Variants in SLC24A4 observed in about 807,000 individuals in gnomAD.
SLC24A4 encodes sodium/potassium/calcium exchanger 4.
In SLC24A4, 53 loss-of-function variants were observed where a neutral mutation model predicts 79.0. The observed-to-expected ratio is 0.67, with a 90% CI of 0.54 to 0.84. The LOEUF is 0.84. Among genes scored for constraint, SLC24A4 ranks in the 40% least tolerant of loss-of-function variants. The pLI is 0.00. For missense variants in SLC24A4, 731 were observed against 822.0 expected, an observed-to-expected ratio of 0.89 and a Z score of 1.35; for synonymous variants, 323 against 323.8, an observed-to-expected ratio of 1.00 and a Z score of 0.03.
At chr14:92,457,414 C>T (rs186051909) in intron 12 of SLC24A4, 103 of 152,880 alleles carry the variant, frequency 6.7e-4, no homozygotes, top group Non-Finnish European at 3.7e-4. Flanking sequence ...TTAAATGTCA[C>T]CTTTTCACTG....
At chr14:92,418,045 C>A (rs61977270) in intron 2 of SLC24A4, among the ~76,000 whole-genome samples, 1 of 152,214 alleles carries the variant, frequency 6.6e-6, no homozygotes, top group Non-Finnish European at 1.5e-5. Flanking sequence ...CTGTTCCTTC[C>A]TTTCCAGGGA....
At chr14:92,433,835 A>T in intron 2 of SLC24A4, 77 bp from the exon 3 acceptor site, 1 of 1,253,468 alleles carries the variant, frequency 8.0e-7, no homozygotes, top group Non-Finnish European at 1.2e-6. Flanking sequence ...TTCCTTAGTG[A>T]ACTCTCAGAA....
intron 1 of SLC24A4, among the ~76,000 whole-genome samples, chr14:92,325,178 C>G (rs888511305): frequency 6.6e-6 from 1 of 152,148 alleles, no homozygotes; most frequent in African/African-American, 2.4e-5. Flanking sequence ...TGAAGCAGTG[C>G]GCATCAGGAG....
chr14:92,443,873 G>A (rs1236662784), intron 7 of SLC24A4, among the ~76,000 whole-genome samples: 1 of 152,186 alleles, frequency 6.6e-6, no homozygotes, highest in Non-Finnish European at 1.5e-5. Flanking sequence ...GTGGCTGTGG[G>A]CAGGGCTTGG....
chr14:92,454,008 T>C lies in SLC24A4; in HGVS notation c.989T>C (p.Ile330Thr). 6.2e-7 allele frequency: 1 copy of C among 1,613,814 alleles called. No individual in the cohort carries two copies. The highest frequency in any genetic ancestry group is 8.5e-7 in the Non-Finnish European group (1 of 1,179,844). Residue 330 changes from isoleucine to threonine, a missense_variant, in exon 11 of 17, where the codon ATC becomes ACC. By Grantham distance (89) the Ile-to-Thr change is moderately conservative (BLOSUM62 -1). Coordinates refer to ENST00000532405, the MANE Select transcript of SLC24A4 (RefSeq NM_153646.4). ...TFPEAGLRIM[I>T]TNKFGPRTRL... The stretch of plus-strand genomic sequence containing the variant: ...CCTGAAGCAGGCTTACGAATCATGA[T>C]CACCAATAAGTTTGGACCCAGGACC...
At chr14:92,331,068 A>G (rs1399046618) in intron 2 of SLC24A4, among the ~76,000 whole-genome samples, 2 of 152,182 alleles carry the variant, frequency 1.3e-5, no homozygotes, top group Non-Finnish European at 2.9e-5. Flanking sequence ...CTGACCTGTG[A>G]AACCAGAAGC....
intron 11 of SLC24A4, 123 bp downstream of exon 11, chr14:92,454,192 C>A: frequency 9.8e-7 from 1 of 1,015,744 alleles, no homozygotes; most frequent in Non-Finnish European, 1.4e-6. Context: ...CCTGGGGCCT[C>A]CAGAAGCCTG....
At chr14:92,420,130 A>G (rs1891196529) in intron 2 of SLC24A4, among the ~76,000 whole-genome samples, 1 of 152,312 alleles carries the variant, frequency 6.6e-6, no homozygotes, top group East Asian at 1.9e-4. Flanking sequence ...AGTCTCCAGA[A>G]GGAACCAACC....
intron 2 of SLC24A4, among the ~76,000 whole-genome samples, chr14:92,389,594 G>A (rs1210833145): frequency 1.3e-5 from 2 of 152,122 alleles, no homozygotes; most frequent in Non-Finnish European, 2.9e-5. Flanking sequence ...CCCCCATGAA[G>A]TCCTGCCCGC....
At chr14:92,331,914 A>G (rs1015063901) in intron 2 of SLC24A4, among the ~76,000 whole-genome samples, 1 of 152,210 alleles carries the variant, frequency 6.6e-6, no homozygotes, top group East Asian at 1.9e-4. Context: ...TTTCTTAATA[A>G]AATTTTTCCT....
In SLC24A4 at chr14:92,396,970, T is replaced by C. The variant is rs145480843; in HGVS notation, c.242-36942T>C. ...ATTCTGATATGGACAACACTTTGGTTCCTGCCTTCAAAGCACTGACAGCAT... is the reference window on the plus strand; with the variant it reads ...ATTCTGATATGGACAACACTTTGGTCCCTGCCTTCAAAGCACTGACAGCAT... On this transcript the variant is annotated intron_variant, in intron 2 of 16. Transcript: ENST00000532405. Among the ~76,000 whole-genome samples the C allele has an allele frequency of 5.4e-3, 821 of 152,290 alleles. 10 individuals carry two copies. Among genetic ancestry groups the C allele is most frequent in the African/African-American group, 0.019 (770 of 41,550 alleles).
intron 2 of SLC24A4, among the ~76,000 whole-genome samples, chr14:92,372,453 G>A (rs1011704123): frequency 3.3e-5 from 5 of 152,070 alleles, no homozygotes; most frequent in African/African-American, 1.2e-4. Flanking sequence ...CCCTGGGCTG[G>A]GTGTGGTGGG....
At position 92,398,582 on chromosome 14, in the gene SLC24A4, C is replaced by A. The variant is rs1362107217; in HGVS notation, c.242-35330C>A. Among the ~76,000 whole-genome samples, 1 of 152,236 alleles carries A rather than the reference C, an allele frequency of 6.6e-6. No individual in the cohort carries two copies. Among genetic ancestry groups the A allele is most frequent in the African/African-American group, 2.4e-5 (1 of 41,466 alleles). ...AAAGCCTGTTAGCCTCAGCCCCTTG[C>A]TCCCAGGACCACACCTGGCCAGGGC... On this transcript the variant is annotated intron_variant, in intron 2 of 16. Coordinates refer to ENST00000532405, the MANE Select transcript of SLC24A4 (RefSeq NM_153646.4). This position sits in a 1 kb window ranked among gnomAD's most constrained non-coding sequence, Gnocchi z 4.1.
chr14:92,442,919 C>A, intron 6 of SLC24A4, 103 bp downstream of exon 6: 2 of 930,030 alleles, frequency 2.2e-6, no homozygotes, highest in Non-Finnish European at 3.4e-6. Flanking sequence ...GCCCACAGGA[C>A]AGCTGAGCTG....
At chr14:92,397,170 C>T (rs895848941) in intron 2 of SLC24A4, among the ~76,000 whole-genome samples, 2 of 152,078 alleles carry the variant, frequency 1.3e-5, no homozygotes, top group South Asian at 2.1e-4. Flanking sequence ...GTTGCTCTGA[C>T]GTTGGAGGGT....
intron 12 of SLC24A4, among the ~76,000 whole-genome samples, chr14:92,460,831 G>GT (rs1893757907): frequency 6.6e-6 from 1 of 152,214 alleles, no homozygotes; most frequent in African/African-American, 2.4e-5. Flanking sequence ...CAGATGACGG[G>GT]TCGCTGGGAT....
At chr14:92,421,954 GT>G (rs1891306633) in intron 2 of SLC24A4, among the ~76,000 whole-genome samples, 1 of 152,246 alleles carries the variant, frequency 6.6e-6, no homozygotes, top group Non-Finnish European at 1.5e-5. Context: ...CACTATAATG[GT>G]TTTGGCATAC....
At chr14:92,325,265 T>A (rs1885061136) in intron 1 of SLC24A4, among the ~76,000 whole-genome samples, 1 of 152,248 alleles carries the variant, frequency 6.6e-6, no homozygotes. Flanking sequence ...TTTAGGAGTT[T>A]AAGTGTGCTT....
At chr14:92,422,271 T>A (rs932414820) in intron 2 of SLC24A4, among the ~76,000 whole-genome samples, 1 of 152,258 alleles carries the variant, frequency 6.6e-6, no homozygotes, top group Non-Finnish European at 1.5e-5. Flanking sequence ...GGGCCGTCAG[T>A]GGCTTCCAGT....
Sources: gnomAD v4.1 joint callset for allele counts (sites outside exome capture counted in the v4.1 genomes callset) on GRCh38, gnomAD v4.1.1 for gene constraint, Gnocchi (gnomAD v3.1) non-coding constraint, MANE v1.5 for transcripts, NCBI Gene and HGNC (gene_info 2026-07-23, HGNC 2026-07-21) for gene names.